The following CAPZB variants were observed in gnomAD, a reference collection of about 807,000 sequenced individuals.
The protein encoded by CAPZB is capping actin protein of muscle Z-line subunit beta.
A neutral mutation model predicts 38.1 loss-of-function variants in CAPZB; 2 were observed. The ratio of observed to expected loss-of-function variants is 0.05; its 90% CI spans 0.02 to 0.17. The LOEUF is 0.17. CAPZB is among the 10% of genes least tolerant of loss of function. The pLI is 1.00. For synonymous variants in CAPZB, 107 were observed against 127.4 expected, an observed-to-expected ratio of 0.84 and a Z score of 1.08; for missense variants, 161 against 334.2, an observed-to-expected ratio of 0.48 and a Z score of 4.04.
chr1:19,448,808 C>T, intron 1 of CAPZB: 1 of 1,612,320 alleles, frequency 6.2e-7, no homozygotes, highest in Non-Finnish European at 8.5e-7. Flanking sequence ...CTCCTCCTCC[C>T]CCCTCAGATC....
chr1:19,359,154 C>CA (rs757072113), intron 4 of CAPZB, among the ~76,000 whole-genome samples: 10 of 143,076 alleles, frequency 7.0e-5, no homozygotes, highest in Admixed American at 2.1e-4. Context: ...TATTATATAA[C>CA]AAAAAATACA....
At chr1:19,479,567 C>A (rs1025134011) in intron 1 of CAPZB, among the ~76,000 whole-genome samples, 1 of 152,182 alleles carries the variant, frequency 6.6e-6, no homozygotes, top group African/African-American at 2.4e-5. Flanking sequence ...GGTGGTAAAT[C>A]ATTCCGTGTC....
Position 19,458,958 on chromosome 1 carries a change from C to T in CAPZB, c.3+26478G>A, listed in dbSNP as rs59126606. Among the ~76,000 whole-genome samples the T allele has an allele frequency of 5.6e-3, 854 of 152,300 alleles. 27 individuals are homozygous for T. The East Asian group carries it at 0.078, about 14-fold the overall frequency. On this transcript the variant is annotated intron_variant, in intron 1 of 8. Coordinates refer to ENST00000264202, the MANE Select transcript of CAPZB (RefSeq NM_004930.5). ...AGAGGGCACCTCCATGTGGAACATTCGAAGGGCAGAAACAGCTCACCAGGT... is the reference window on the plus strand; with the variant it reads ...AGAGGGCACCTCCATGTGGAACATTTGAAGGGCAGAAACAGCTCACCAGGT...
At chr1:19,366,286 ATATATAT>A (rs200433759) in intron 4 of CAPZB, among the ~76,000 whole-genome samples, 24,961 of 107,224 alleles carry the variant, frequency 0.23, 2,978 homozygotes, top group South Asian at 0.29. Context: ...GTCTTAAAAT[ATATATAT>A]ATATATATAT....
At chr1:19,463,215 G>A (rs2094557930) in intron 1 of CAPZB, among the ~76,000 whole-genome samples, 1 of 152,156 alleles carries the variant, frequency 6.6e-6, no homozygotes, top group African/African-American at 2.4e-5. Flanking sequence ...GGTCTACAGG[G>A]CAATGTCTGG....
chr1:19,478,689 G>A (rs904283253), intron 1 of CAPZB, among the ~76,000 whole-genome samples: 7 of 152,116 alleles, frequency 4.6e-5, no homozygotes, highest in African/African-American at 9.7e-5. Flanking sequence ...GCTTCCACCC[G>A]CTTCCTCCAT....
chr1:19,339,965 G>A (rs1292128272), intron 8 of CAPZB, among the ~76,000 whole-genome samples: 1 of 151,836 alleles, frequency 6.6e-6, no homozygotes, highest in African/African-American at 2.4e-5. Flanking sequence ...AAGCCACAAG[G>A]TGGCTTCTGG....
At chr1:19,466,926 G>C (rs568829372) in intron 1 of CAPZB, among the ~76,000 whole-genome samples, 1 of 152,122 alleles carries the variant, frequency 6.6e-6, no homozygotes, top group African/African-American at 2.4e-5. Context: ...TTTTGAGAGA[G>C]GGTGTTGTTC....
intron 4 of CAPZB, among the ~76,000 whole-genome samples, chr1:19,368,277 G>C (rs1215013874): frequency 6.6e-6 from 1 of 152,066 alleles, no homozygotes; most frequent in East Asian, 1.9e-4. Flanking sequence ...AGCGCAGGCG[G>C]ACAGAACAGG....
At chr1:19,477,522 A>G (rs1259561662) in intron 1 of CAPZB, among the ~76,000 whole-genome samples, 1 of 152,226 alleles carries the variant, frequency 6.6e-6, no homozygotes, top group Non-Finnish European at 1.5e-5. Context: ...TCCTCCTTCC[A>G]GTTTCTGAGC....
intron 4 of CAPZB, among the ~76,000 whole-genome samples, chr1:19,366,730 C>T (rs981514876): frequency 5.5e-4 from 83 of 152,098 alleles, no homozygotes; most frequent in African/African-American, 2.0e-3. Flanking sequence ...CTCCCAAGCT[C>T]CATGACTGAT....
chr1:19,349,196 G>A (rs1385204726), intron 6 of CAPZB, among the ~76,000 whole-genome samples: 2 of 152,136 alleles, frequency 1.3e-5, no homozygotes, highest in African/African-American at 2.4e-5. Flanking sequence ...GGAGGGAGGG[G>A]GCTCCATCCA....
At chr1:19,402,704 CA>C (rs11366035) in intron 2 of CAPZB, among the ~76,000 whole-genome samples, 31,829 of 152,150 alleles carry the variant, frequency 0.21, 3,584 homozygotes, top group Admixed American at 0.25. Flanking sequence ...AAGGGTGGGC[CA>C]CGGTGTCCTC....
intron 6 of CAPZB, among the ~76,000 whole-genome samples, chr1:19,355,672 G>A (rs2094017139): frequency 1.3e-5 from 2 of 152,308 alleles, no homozygotes; most frequent in African/African-American, 4.8e-5. Context: ...TGCAGAAAGT[G>A]GCGCCCCGCT....
chr1:19,377,885 G>C (rs1056618279), intron 4 of CAPZB, among the ~76,000 whole-genome samples: 1 of 152,186 alleles, frequency 6.6e-6, no homozygotes, highest in Non-Finnish European at 1.5e-5. Context: ...TAAGGAAGGT[G>C]CCGAGGCCAC....
chr1:19,484,991 C>A (rs941189950), intron 1 of CAPZB, among the ~76,000 whole-genome samples: 3 of 151,878 alleles, frequency 2.0e-5, no homozygotes, highest in Non-Finnish European at 4.4e-5. Context: ...AGGGAGGCAG[C>A]GGCCTAGCCT....
chr1:19,342,698 G>A (rs2093937021), intron 8 of CAPZB: 1 of 1,119,320 alleles, frequency 8.9e-7, no homozygotes, highest in African/African-American at 1.5e-5. Context: ...GGTCTCGGCG[G>A]GTTGGTGAGT....
intron 4 of CAPZB, among the ~76,000 whole-genome samples, chr1:19,367,594 C>T (rs1357902435): frequency 6.6e-6 from 1 of 152,162 alleles, no homozygotes; most frequent in Non-Finnish European, 1.5e-5. Flanking sequence ...GCTGTTTTCA[C>T]CATGGTTTAG....
chr1:19,368,276 G>A (rs932317781), intron 4 of CAPZB, among the ~76,000 whole-genome samples: 12 of 152,010 alleles, frequency 7.9e-5, no homozygotes, highest in African/African-American at 1.9e-4. Context: ...GAGCGCAGGC[G>A]GACAGAACAG....
Sources: gnomAD v4.1 joint callset for allele counts (sites outside exome capture counted in the v4.1 genomes callset) on GRCh38, gnomAD v4.1.1 for gene constraint, MANE v1.5 for transcripts, NCBI Gene and HGNC (gene_info 2026-07-23, HGNC 2026-07-21) for gene names.